The following MNAT1 variants were observed in gnomAD, a reference collection of about 807,000 sequenced individuals.
MNAT1 encodes the protein CDK-activating kinase assembly factor MAT1.
A neutral mutation model predicts 42.0 loss-of-function variants in MNAT1; 43 were observed. The ratio of observed to expected loss-of-function variants is 1.02; its 90% CI spans 0.80 to 1.32. MNAT1 has a LOEUF of 1.32. Among genes scored for constraint, MNAT1 ranks in the 40% most tolerant of loss-of-function variants. MNAT1 has a pLI of 0.00. For missense variants in MNAT1, 306 were observed against 350.4 expected (o/e 0.87, Z 1.01); for synonymous variants, 118 against 120.0 (o/e 0.98, Z 0.11).
intron 1 of MNAT1, among the ~76,000 whole-genome samples, chr14:60,748,060 G>A (rs958847062): frequency 1.3e-5 from 2 of 152,088 alleles, no homozygotes; most frequent in African/African-American, 4.8e-5. Context: ...GCCGAGTGTG[G>A]TGGCACCCAC....
intron 1 of MNAT1, among the ~76,000 whole-genome samples, chr14:60,794,094 G>T (rs2031920970): frequency 1.3e-5 from 2 of 152,070 alleles, no homozygotes; most frequent in African/African-American, 4.8e-5. Context: ...TAATCTCCAA[G>T]ACCTTGAGAT....
intron 6 of MNAT1, among the ~76,000 whole-genome samples, chr14:60,853,611 C>A (rs2033881389): frequency 6.6e-6 from 1 of 152,178 alleles, no homozygotes; most frequent in African/African-American, 2.4e-5. Context: ...AGAGGGCATC[C>A]TTGTCTTATG....
intron 7 of MNAT1, among the ~76,000 whole-genome samples, chr14:60,949,013 T>C (rs1178273934): frequency 6.6e-6 from 1 of 152,212 alleles, no homozygotes; most frequent in Non-Finnish European, 1.5e-5. Flanking sequence ...TTCTCACTTA[T>C]TTTACAAAGC....
At chr14:60,900,363 A>G (rs1001028164) in intron 7 of MNAT1, among the ~76,000 whole-genome samples, 3 of 152,224 alleles carry the variant, frequency 2.0e-5, no homozygotes, top group Admixed American at 1.3e-4. Context: ...GAATGTTAAG[A>G]AAGCAAAACA....
At chr14:60,914,640 T>C (rs1594867774) in intron 7 of MNAT1, among the ~76,000 whole-genome samples, 2 of 152,294 alleles carry the variant, frequency 1.3e-5, no homozygotes, top group East Asian at 3.9e-4. Flanking sequence ...GACTTCTGTG[T>C]TGTAGGTAGC....
intron 7 of MNAT1, among the ~76,000 whole-genome samples, chr14:60,902,946 TG>T (rs1359463419): frequency 2.0e-5 from 3 of 151,998 alleles, no homozygotes; most frequent in Non-Finnish European, 4.4e-5. Context: ...GTCAGTCAGC[TG>T]AAAAAAAATT....
chr14:60,858,385 G>A (rs1034899401), intron 6 of MNAT1, among the ~76,000 whole-genome samples: 3 of 148,858 alleles, frequency 2.0e-5, no homozygotes, highest in African/African-American at 4.9e-5. Context: ...TTTGAGAAGT[G>A]TCTGTTCTTA....
At chr14:60,794,648 A>ATATATATAT (rs1453405051) in intron 1 of MNAT1, among the ~76,000 whole-genome samples, 1 of 88,182 alleles carries the variant, frequency 1.1e-5, no homozygotes, top group African/African-American at 4.3e-5. Context: ...AAAAAAAAAA[A>ATATATATAT]AAAAAAAAAA....
intron 4 of MNAT1, 89 bp from the exon 5 acceptor site, chr14:60,811,898 G>A (rs1471848095): frequency 1.1e-6 from 1 of 936,022 alleles, no homozygotes. Flanking sequence ...TGTGTTTTAT[G>A]CTTCCAATAA....
At chr14:60,780,642 T>A in intron 1 of MNAT1, 1 of 1,179,620 alleles carries the variant, frequency 8.5e-7, no homozygotes, top group South Asian at 1.5e-5. Context: ...AATGTGGTTT[T>A]CCTGAAATCA....
chr14:60,758,109 G>A (rs554512653), intron 1 of MNAT1, among the ~76,000 whole-genome samples: 3 of 152,144 alleles, frequency 2.0e-5, no homozygotes, highest in African/African-American at 7.2e-5. Flanking sequence ...TAAGCCCTAC[G>A]AAGTTGTGCC....
chr14:60,909,084 A>C (rs1390002025), intron 7 of MNAT1, among the ~76,000 whole-genome samples: 3 of 152,050 alleles, frequency 2.0e-5, no homozygotes, highest in African/African-American at 2.4e-5. Context: ...TGATGATTAG[A>C]ATTTTTTCAT....
At chr14:60,853,249 G>A (rs1449812822) in intron 6 of MNAT1, among the ~76,000 whole-genome samples, 3 of 152,144 alleles carry the variant, frequency 2.0e-5, no homozygotes, top group African/African-American at 4.8e-5. Context: ...TCTCTTTGAA[G>A]AGGTCCTTCA....
intron 6 of MNAT1, among the ~76,000 whole-genome samples, chr14:60,826,511 G>A (rs2033062372): frequency 6.6e-6 from 1 of 151,764 alleles, no homozygotes; most frequent in Admixed American, 6.6e-5. Flanking sequence ...AGTAGAGACG[G>A]GGTTTCACCA....
intron 7 of MNAT1, among the ~76,000 whole-genome samples, chr14:60,959,313 C>G (rs1233291066): frequency 6.6e-6 from 1 of 152,198 alleles, no homozygotes; most frequent in Non-Finnish European, 1.5e-5. Flanking sequence ...GAGAAGGCTG[C>G]TGGAATCCTG....
At chr14:60,829,325 C>T (rs552550417) in intron 6 of MNAT1, among the ~76,000 whole-genome samples, 1 of 152,108 alleles carries the variant, frequency 6.6e-6, no homozygotes, top group South Asian at 2.1e-4. Flanking sequence ...ATTACAAGCC[C>T]CAAATGCCTA....
At chr14:60,799,948 T>C (rs1013514227) in intron 3 of MNAT1, among the ~76,000 whole-genome samples, 1 of 152,140 alleles carries the variant, frequency 6.6e-6, no homozygotes, top group African/African-American at 2.4e-5. Context: ...CATGAAGGAC[T>C]GTCTTCAGTT....
intron 7 of MNAT1, among the ~76,000 whole-genome samples, chr14:60,928,308 C>T (rs1217457240): frequency 1.3e-5 from 2 of 152,204 alleles, no homozygotes; most frequent in African/African-American, 4.8e-5. Context: ...TTTTTGGACA[C>T]CATTAATAAT....
At chr14:60,830,777 G>A (rs1302911543) in intron 6 of MNAT1, among the ~76,000 whole-genome samples, 4 of 147,080 alleles carry the variant, frequency 2.7e-5, no homozygotes, top group African/African-American at 9.9e-5. Flanking sequence ...TATTTATTTT[G>A]GTCCTCACCA....
Sources: allele counts gnomAD v4.1 joint callset (sites outside exome capture counted in the v4.1 genomes callset), GRCh38; gene constraint gnomAD v4.1.1; transcripts MANE v1.5; gene names NCBI Gene and HGNC (gene_info 2026-07-23, HGNC 2026-07-21).